ANKS1B: variants seen among roughly 807,000 people sequenced by gnomAD.
ANKS1B encodes the protein ankyrin repeat and sterile alpha motif domain-containing protein 1B.
In ANKS1B, 36 loss-of-function variants were observed where a neutral mutation model predicts 148.3. The observed-to-expected ratio is 0.24, with a 90% CI of 0.19 to 0.32. The LOEUF (loss-of-function observed/expected upper bound fraction) is 0.32, where lower values mean the gene tolerates loss of function less well. ANKS1B is among the 10% of genes least tolerant of loss of function. The probability of loss-of-function intolerance (pLI) is 1.00; values close to 1 mark genes in which losing one functional copy is unlikely to be tolerated. For synonymous variants in ANKS1B, 542 were observed against 560.8 expected (o/e 0.97, Z 0.47); for missense variants, 1,157 against 1,542.6 (o/e 0.75, Z 4.19).
chr12:99,790,965 A>G (rs889754459), intron 4 of ANKS1B, among the ~76,000 whole-genome samples: 3 of 152,068 alleles, frequency 2.0e-5, no homozygotes, highest in Non-Finnish European at 4.4e-5. Context: ...AAACTCTCCA[A>G]TCAAAAGACA....
chr12:99,190,807 C>A (rs2080566879), intron 14 of ANKS1B, among the ~76,000 whole-genome samples: 1 of 152,100 alleles, frequency 6.6e-6, no homozygotes, highest in African/African-American at 2.4e-5. Context: ...GACTAAAACA[C>A]CAAAAGCAAC....
chr12:99,225,313 T>A (rs2085733399), intron 14 of ANKS1B, among the ~76,000 whole-genome samples: 1 of 152,098 alleles, frequency 6.6e-6, no homozygotes, highest in Admixed American at 6.6e-5. Context: ...TTATATAATA[T>A]TATAATGACA....
intron 8 of ANKS1B, among the ~76,000 whole-genome samples, chr12:99,671,887 C>T (rs73143663): frequency 5.3e-5 from 8 of 151,866 alleles, no homozygotes; most frequent in Non-Finnish European, 7.4e-5. Context: ...TATTAATTAA[C>T]GCTAGCCAAA....
chr12:98,909,158 GAGGGTATAACAGC>G (rs1257421226), intron 17 of ANKS1B, among the ~76,000 whole-genome samples: 1 of 152,118 alleles, frequency 6.6e-6, no homozygotes, highest in Admixed American at 6.5e-5. Flanking sequence ...CGCATTTCTG[GAGGGTATAACAGC>G]AGTATATTGT....
chr12:99,517,597 T>C (rs899763160), intron 9 of ANKS1B, among the ~76,000 whole-genome samples: 2 of 150,516 alleles, frequency 1.3e-5, no homozygotes, highest in Non-Finnish European at 1.5e-5. Flanking sequence ...GGTGTGGTGG[T>C]GGGCGCCTGT....
At position 99,105,291 on chromosome 12, in the gene ANKS1B, G is replaced by A. The variant is rs181667622; in HGVS notation, c.2527-20268C>T. Among the ~76,000 whole-genome samples, 280 of 152,118 alleles carry A rather than the reference G, an allele frequency of 1.8e-3. 1 individual carries two copies. Among genetic ancestry groups the A allele is most frequent in the Admixed American group, 3.7e-3 (56 of 15,274 alleles). On this transcript the variant is annotated intron_variant, in intron 15 of 26. Transcript: ENST00000683438. The stretch of plus-strand genomic sequence containing the variant: ...ATGCAAAATATCTGCTTGGGTACCC[G>A]TTTTTTCATGTGTACACACTAGCAT...
Position 98,989,975 on chromosome 12 carries a change from AGGAG to A in ANKS1B, c.2778+63178_2778+63181del, listed in dbSNP as rs573271585. On this transcript the variant is annotated intron_variant, in intron 17 of 26. Coordinates refer to ENST00000683438, the MANE Select transcript of ANKS1B (RefSeq NM_001352186.2). Reference sequence around the variant, plus strand: ...GAAGGAAAGAAAATAAAAAAAAGAAAGGAGGGAGGGAGGAAGGAGACAGAGAAAG... The same window carrying A: ...GAAGGAAAGAAAATAAAAAAAAGAAAGGAGGGAGGAAGGAGACAGAGAAAG... Among the ~76,000 whole-genome samples, 9 of 152,122 alleles carry A rather than the reference AGGAG, an allele frequency of 5.9e-5. No homozygotes were observed. In the East Asian group the frequency reaches 1.5e-3, roughly 26 times the overall value.
chr12:99,833,160 A>T (rs2084300753), intron 1 of ANKS1B, among the ~76,000 whole-genome samples: 1 of 152,244 alleles, frequency 6.6e-6, no homozygotes, highest in African/African-American at 2.4e-5. Flanking sequence ...AAGGAAAAGA[A>T]AAGACAATAA....
At chr12:99,117,423 T>C (rs1372832311) in intron 15 of ANKS1B, among the ~76,000 whole-genome samples, 1 of 152,232 alleles carries the variant, frequency 6.6e-6, no homozygotes, top group African/African-American at 2.4e-5. Context: ...TTGAATTTTG[T>C]TGAAGGCCTT....
intron 12 of ANKS1B, among the ~76,000 whole-genome samples, chr12:99,250,479 G>A (rs560865632): frequency 1.2e-4 from 19 of 152,278 alleles, no homozygotes; most frequent in African/African-American, 2.9e-4. Context: ...TAATACATCC[G>A]CCAGTCCTGT....
intron 15 of ANKS1B, among the ~76,000 whole-genome samples, chr12:99,123,172 C>G (rs984691887): frequency 6.6e-6 from 1 of 151,864 alleles, no homozygotes; most frequent in Non-Finnish European, 1.5e-5. Flanking sequence ...AATTAATATA[C>G]ATGTAGAAAT....
intron 8 of ANKS1B, among the ~76,000 whole-genome samples, chr12:99,691,627 T>C (rs2098679816): frequency 1.3e-5 from 2 of 152,182 alleles, no homozygotes; most frequent in South Asian, 4.1e-4. Flanking sequence ...CAGCCTGGAT[T>C]TCATTGTCCA....
chr12:99,110,807 A>G (rs1357527423), intron 15 of ANKS1B, among the ~76,000 whole-genome samples: 1 of 152,208 alleles, frequency 6.6e-6, no homozygotes, highest in Non-Finnish European at 1.5e-5. Flanking sequence ...TGTAACTTGA[A>G]GTATTTCAAG....
At chr12:99,351,555 C>T (rs2152387566) in intron 12 of ANKS1B, among the ~76,000 whole-genome samples, 1 of 151,892 alleles carries the variant, frequency 6.6e-6, no homozygotes, top group African/African-American at 2.4e-5. Flanking sequence ...GTCATGTAAG[C>T]ATAGATAAAT....
At chr12:98,813,213 G>T (rs1160111752) in intron 19 of ANKS1B, among the ~76,000 whole-genome samples, 80 of 143,204 alleles carry the variant, frequency 5.6e-4, no homozygotes, top group Non-Finnish European at 8.6e-4. Flanking sequence ...AAGTTTTTTT[G>T]TTTTTTTTTT....
chr12:99,232,984 ACAC>A (rs1471062700), intron 14 of ANKS1B, among the ~76,000 whole-genome samples: 1 of 152,108 alleles, frequency 6.6e-6, no homozygotes, highest in Non-Finnish European at 1.5e-5. Context: ...CACCTACATG[ACAC>A]CACAAGTAGA....
At chr12:98,987,334 T>C (rs993338417) in intron 17 of ANKS1B, among the ~76,000 whole-genome samples, 1 of 152,078 alleles carries the variant, frequency 6.6e-6, no homozygotes, top group African/African-American at 2.4e-5. Context: ...AAATAAAATA[T>C]GTAATTCAGG....
chr12:99,284,382 G>C (rs1052686127), intron 12 of ANKS1B, among the ~76,000 whole-genome samples: 11 of 152,108 alleles, frequency 7.2e-5, no homozygotes, highest in African/African-American at 2.7e-4. Context: ...ACAGGCTACT[G>C]GTAAGATGGA....
chr12:99,897,039 T>G (rs192703841), intron 1 of ANKS1B, among the ~76,000 whole-genome samples: 1 of 151,472 alleles, frequency 6.6e-6, no homozygotes, highest in East Asian at 1.9e-4. Flanking sequence ...ATTATTTACT[T>G]TTCTCTTAAA....
Sources: allele counts gnomAD v4.1 joint callset (sites outside exome capture counted in the v4.1 genomes callset), GRCh38; gene constraint gnomAD v4.1.1; transcripts MANE v1.5; gene names NCBI Gene and HGNC (gene_info 2026-07-23, HGNC 2026-07-21).